ROCK1: variants seen among roughly 807,000 people sequenced by gnomAD.
The protein encoded by ROCK1 is Rho associated coiled-coil containing protein kinase 1.
A neutral mutation model predicts 196.8 loss-of-function variants in ROCK1; 36 were observed. The observed-to-expected ratio is 0.18, with a 90% CI of 0.14 to 0.24. The LOEUF (loss-of-function observed/expected upper bound fraction) is 0.24. ROCK1 is among the 10% of genes least tolerant of loss of function. ROCK1 has a pLI of 1.00. For missense variants in ROCK1, 920 were observed against 1,562.0 expected (o/e 0.59, Z 6.93); for synonymous variants, 443 against 515.9 (o/e 0.86, Z 1.91).
chr18:20,989,367 A>G (rs1434324933), intron 18 of ROCK1, among the ~76,000 whole-genome samples: 2 of 152,224 alleles, frequency 1.3e-5, no homozygotes, highest in Admixed American at 1.3e-4. Context: ...AGAATAAAGA[A>G]TAAGAGCAGG....
intron 32 of ROCK1, among the ~76,000 whole-genome samples, chr18:20,952,043 G>A (rs996241501): frequency 6.6e-6 from 1 of 152,186 alleles, no homozygotes; most frequent in African/African-American, 2.4e-5. Context: ...TTACTAATGT[G>A]TAAAATGAGA....
At chr18:21,078,052 G>C (rs1173662212) in intron 1 of ROCK1, among the ~76,000 whole-genome samples, 1 of 152,202 alleles carries the variant, frequency 6.6e-6, no homozygotes, top group Admixed American at 6.5e-5. Context: ...AAACTGGCCA[G>C]GCACAGTGGC....
intron 9 of ROCK1, among the ~76,000 whole-genome samples, chr18:21,036,517 T>C (rs1210852435): frequency 6.6e-6 from 1 of 152,230 alleles, no homozygotes; most frequent in African/African-American, 2.4e-5. Flanking sequence ...TTATCATAGC[T>C]AACCGCACCC....
At chr18:21,066,912 A>G (rs772088374) in intron 2 of ROCK1, among the ~76,000 whole-genome samples, 2 of 152,218 alleles carry the variant, frequency 1.3e-5, no homozygotes, top group Non-Finnish European at 2.9e-5. Flanking sequence ...TTGTGCAGAC[A>G]TATGCTTTCA....
intron 10 of ROCK1, among the ~76,000 whole-genome samples, chr18:21,027,580 C>T (rs1451770725): frequency 6.6e-6 from 1 of 151,910 alleles, no homozygotes; most frequent in Non-Finnish European, 1.5e-5. Flanking sequence ...TTTACTTAAA[C>T]CTTATAACAA....
chr18:20,999,772 C>T (rs1295111678), intron 16 of ROCK1, among the ~76,000 whole-genome samples: 2 of 152,082 alleles, frequency 1.3e-5, no homozygotes, highest in Non-Finnish European at 2.9e-5. Context: ...GGACAACAGG[C>T]GTGCACCACC....
At chr18:21,054,838 C>T (rs1598545799) in intron 2 of ROCK1, among the ~76,000 whole-genome samples, 1 of 152,040 alleles carries the variant, frequency 6.6e-6, no homozygotes, top group African/African-American at 2.4e-5. Flanking sequence ...TATACTAGAC[C>T]TTGTCATTAC....
chr18:21,066,132 G>C (rs1028704241), intron 2 of ROCK1, among the ~76,000 whole-genome samples: 2 of 152,206 alleles, frequency 1.3e-5, no homozygotes, highest in African/African-American at 4.8e-5. Context: ...CTATATAAAA[G>C]AATTTCAGCG....
intron 1 of ROCK1, among the ~76,000 whole-genome samples, chr18:21,081,119 CACAAA>C (rs1249173832): frequency 1.3e-5 from 2 of 152,094 alleles, no homozygotes. Flanking sequence ...TATGTTATGC[CACAAA>C]ACAAGTTTTA....
intron 2 of ROCK1, among the ~76,000 whole-genome samples, chr18:21,068,516 G>A (rs2036356433): frequency 1.3e-5 from 2 of 152,146 alleles, no homozygotes; most frequent in Non-Finnish European, 2.9e-5. Flanking sequence ...AAAACTGTCT[G>A]CTAAGGTTCT....
At chr18:21,076,725 G>A (rs1453183157) in intron 1 of ROCK1, among the ~76,000 whole-genome samples, 1 of 151,264 alleles carries the variant, frequency 6.6e-6, no homozygotes, top group Non-Finnish European at 1.5e-5. Context: ...TTTATTTTAA[G>A]TCACTATCAG....
rs540998952 is a variant in ROCK1 at position 21,016,939 on chromosome 18, A to G, written c.1362-1460T>C. On this transcript the variant is annotated intron_variant, in intron 12 of 32. Transcript: ENST00000399799. Reference sequence around the variant, plus strand: ...CAATCTAGACCTTGCCATCCTCCCCATTCTCATCTCAGGCTTTTCCTTCCC... The same window carrying G: ...CAATCTAGACCTTGCCATCCTCCCCGTTCTCATCTCAGGCTTTTCCTTCCC... 4.6e-5 allele frequency among the ~76,000 whole-genome samples: 7 copies of G among 150,892 alleles called. No individual in the cohort carries two copies. In the South Asian group the frequency reaches 1.5e-3, roughly 32 times the overall value.
At chr18:20,982,715 A>C (rs373397909) in intron 21 of ROCK1, 48 bp downstream of exon 21, 1 of 848,158 alleles carries the variant, frequency 1.2e-6, no homozygotes, top group Non-Finnish European at 2.0e-6. Context: ...ACCTTGTTTT[A>C]AGTCAGGTTT....
intron 23 of ROCK1, among the ~76,000 whole-genome samples, chr18:20,969,734 A>G (rs1390833031): frequency 2.0e-5 from 3 of 152,110 alleles, no homozygotes; most frequent in Non-Finnish European, 4.4e-5. Flanking sequence ...TATTTTATAG[A>G]TGAGAAATCT....
chr18:21,027,750 A>ATTTTTT (rs751964514), intron 10 of ROCK1, among the ~76,000 whole-genome samples: 11 of 95,320 alleles, frequency 1.2e-4, no homozygotes, highest in East Asian at 2.9e-4. Flanking sequence ...GAATCACTTA[A>ATTTTTT]TTTTTTTTTT....
At chr18:21,095,470 C>T (rs2036605699) in intron 1 of ROCK1, among the ~76,000 whole-genome samples, 1 of 151,982 alleles carries the variant, frequency 6.6e-6, no homozygotes, top group Admixed American at 6.6e-5. Context: ...TGTCCATGAT[C>T]AATGGACAAA....
intron 13 of ROCK1, among the ~76,000 whole-genome samples, chr18:21,011,591 G>A (rs978900064): frequency 6.6e-6 from 1 of 152,038 alleles, no homozygotes; most frequent in African/African-American, 2.4e-5. Flanking sequence ...TAGTAGCTGG[G>A]ACTACAGGCG....
chr18:21,045,906 T>G (rs867145958), intron 4 of ROCK1, among the ~76,000 whole-genome samples: 3 of 125,696 alleles, frequency 2.4e-5, no homozygotes, highest in South Asian at 5.5e-4. Context: ...GCTGTTTTTT[T>G]TTTTTTTTTT....
intron 2 of ROCK1, among the ~76,000 whole-genome samples, chr18:21,056,178 G>A (rs1160775385): frequency 6.6e-6 from 1 of 152,042 alleles, no homozygotes; most frequent in Non-Finnish European, 1.5e-5. Context: ...CACTTCTCTG[G>A]TGGGCTTTAA....
Sources: gnomAD v4.1 joint callset for allele counts (sites outside exome capture counted in the v4.1 genomes callset) on GRCh38, gnomAD v4.1.1 for gene constraint, MANE v1.5 for transcripts, NCBI Gene and HGNC (gene_info 2026-07-23, HGNC 2026-07-21) for gene names.